ACOXL: variants seen among roughly 807,000 people sequenced by gnomAD.
The protein encoded by ACOXL is acyl-CoA oxidase like.
In ACOXL, 70 loss-of-function variants were observed where a neutral mutation model predicts 71.9. That is an observed-to-expected ratio of 0.97 (90% CI 0.80 to 1.19). The LOEUF (loss-of-function observed/expected upper bound fraction) is 1.19. Among genes scored for constraint, ACOXL ranks in the 50% most tolerant of loss-of-function variants. The pLI is 0.00. For missense variants in ACOXL, 703 were observed against 736.3 expected (o/e 0.95, Z 0.52); for synonymous variants, 253 against 281.6 (o/e 0.90, Z 1.02).
In ACOXL at chr2:111,112,329, G is replaced by C. The variant is rs545648268; in HGVS notation, c.1543-5287G>C. Among the ~76,000 whole-genome samples, 4 of 152,352 alleles carry C rather than the reference G, an allele frequency of 2.6e-5. No homozygotes were observed. In the East Asian group the frequency reaches 7.7e-4, roughly 29 times the overall value. ...TGACCCTCCCTGGAGGAGCCAGCCA[G>C]TGGGCAATGAAAACAGGAATGGAGC... On this transcript the variant is annotated intron_variant, in intron 17 of 17. Transcript: ENST00000439055.
At chr2:111,015,882 G>T (rs2064403056) in intron 14 of ACOXL, among the ~76,000 whole-genome samples, 2 of 152,130 alleles carry the variant, frequency 1.3e-5, no homozygotes, top group African/African-American at 4.8e-5. Context: ...AGTTAATACT[G>T]TATAATTCCA....
At chr2:110,754,105 C>T (rs1300983502) in intron 1 of ACOXL, among the ~76,000 whole-genome samples, 9 of 146,110 alleles carry the variant, frequency 6.2e-5, no homozygotes, top group African/African-American at 2.3e-4. Context: ...TAGGGTCTCA[C>T]TCTGTCACCC....
intron 5 of ACOXL, among the ~76,000 whole-genome samples, chr2:110,798,139 G>A (rs1226883625): frequency 6.6e-6 from 1 of 152,150 alleles, no homozygotes; most frequent in Non-Finnish European, 1.5e-5. Context: ...TGATAGCACA[G>A]CCATGTTGGT....
In ACOXL at chr2:111,061,250, A is replaced by G. The variant is rs541909886; in HGVS notation, c.1440+11962A>G. 2.0e-4 allele frequency among the ~76,000 whole-genome samples: 31 copies of G among 152,336 alleles called. No homozygotes were observed. The East Asian group carries it at 5.6e-3, about 27-fold the overall frequency. The stretch of plus-strand genomic sequence containing the variant: ...AAAGTTCTGAAAACTGAAGACAAAG[A>G]AAGTCTTAAAAGCAATGAGAGAAAC... On this transcript the variant is annotated intron_variant, in intron 16 of 17. Coordinates refer to ENST00000439055, the MANE Select transcript of ACOXL (RefSeq NM_001142807.4).
At chr2:110,918,507 A>T (rs1364554410) in intron 11 of ACOXL, among the ~76,000 whole-genome samples, 2 of 152,192 alleles carry the variant, frequency 1.3e-5, no homozygotes, top group Non-Finnish European at 2.9e-5. Context: ...AGGCTTCATG[A>T]CTAAAACACC....
At chr2:110,754,253 TG>T in intron 1 of ACOXL, among the ~76,000 whole-genome samples, 1 of 152,020 alleles carries the variant, frequency 6.6e-6, no homozygotes, top group Non-Finnish European at 1.5e-5. Context: ...TTAAATTTTT[TG>T]TAGAGAAGGG....
chr2:110,871,770 T>C lies in ACOXL; in HGVS notation c.788+30365T>C, dbSNP rs139165671. On this transcript the variant is annotated intron_variant, in intron 10 of 17. Coordinates refer to ENST00000439055, the MANE Select transcript of ACOXL (RefSeq NM_001142807.4). ...CCATAGCACGCTGAGACGTCTCCCC[T>C]GACCTCAGCTCCAGGCACTGTTTGG... is the stretch of plus-strand genomic sequence containing the variant. 3.3e-3 allele frequency among the ~76,000 whole-genome samples: 496 copies of C among 152,250 alleles called. 1 individual carries two copies. Among genetic ancestry groups the C allele is most frequent in the Admixed American group, 5.2e-3 (80 of 15,300 alleles).
intron 10 of ACOXL, among the ~76,000 whole-genome samples, chr2:110,883,038 A>G (rs745617951): frequency 2.0e-5 from 3 of 151,252 alleles, no homozygotes; most frequent in Non-Finnish European, 4.4e-5. Flanking sequence ...GCCAGTTTCC[A>G]GTGTCCCATC....
chr2:111,051,042 C>A (rs1213613428), intron 16 of ACOXL, among the ~76,000 whole-genome samples: 1 of 152,160 alleles, frequency 6.6e-6, no homozygotes, highest in African/African-American at 2.4e-5. Context: ...TTGTGTCTTA[C>A]CTGTTGGTTT....
chr2:110,992,707 G>C (rs1040654192), intron 13 of ACOXL, among the ~76,000 whole-genome samples: 3 of 152,174 alleles, frequency 2.0e-5, no homozygotes, highest in African/African-American at 7.2e-5. Context: ...GGTTGTACCT[G>C]GCTCTGCAGA....
At chr2:110,947,446 A>G (rs2061150800) in intron 12 of ACOXL, among the ~76,000 whole-genome samples, 1 of 152,114 alleles carries the variant, frequency 6.6e-6, no homozygotes, top group African/African-American at 2.4e-5. Flanking sequence ...TTGGAATCTC[A>G]TGGTCAGGGC....
At chr2:111,010,144 T>C (rs900087235) in intron 14 of ACOXL, among the ~76,000 whole-genome samples, 1 of 152,014 alleles carries the variant, frequency 6.6e-6, no homozygotes, top group Non-Finnish European at 1.5e-5. Flanking sequence ...GACCCCAAAA[T>C]TCCCAGATAT....
At chr2:110,902,028 C>A (rs1306681620) in intron 10 of ACOXL, among the ~76,000 whole-genome samples, 1 of 146,290 alleles carries the variant, frequency 6.8e-6, no homozygotes, top group African/African-American at 2.5e-5. Flanking sequence ...GAGTACGATT[C>A]TGTCAAAAAA....
At chr2:110,852,430 C>T (rs1010025486) in intron 10 of ACOXL, among the ~76,000 whole-genome samples, 6 of 152,184 alleles carry the variant, frequency 3.9e-5, no homozygotes, top group East Asian at 1.9e-4. Flanking sequence ...TCCTGAAGGG[C>T]GTTTCTCAAG....
chr2:111,028,407 C>T lies in ACOXL; in HGVS notation c.1282-3220C>T, dbSNP rs180867224. Among the ~76,000 whole-genome samples the T allele has an allele frequency of 1.7e-4, 26 of 151,964 alleles. No homozygotes were observed. In the South Asian group the frequency reaches 4.2e-3, roughly 24 times the overall value. ...TCCCACCTCAGCCCTCTGAGCTCCT[C>T]GGCCTCCCAAAGTGCTGGGTTTGCA... On this transcript the variant is annotated intron_variant, in intron 14 of 17. Coordinates refer to ENST00000439055, the MANE Select transcript of ACOXL (RefSeq NM_001142807.4).
At chr2:110,922,895 G>A (rs1054844347) in intron 11 of ACOXL, among the ~76,000 whole-genome samples, 2 of 152,316 alleles carry the variant, frequency 1.3e-5, no homozygotes, top group Admixed American at 1.3e-4. Flanking sequence ...TTCACCAGCT[G>A]TCAGTCTAAT....
At chr2:110,929,769 T>TA (rs1257786196) in intron 11 of ACOXL, among the ~76,000 whole-genome samples, 7 of 152,178 alleles carry the variant, frequency 4.6e-5, no homozygotes, top group Non-Finnish European at 2.9e-5. Flanking sequence ...TAGCGATGGC[T>TA]AAAAGGGGCC....
At chr2:111,116,229 A>G (rs1558983942) in intron 17 of ACOXL, among the ~76,000 whole-genome samples, 1 of 152,248 alleles carries the variant, frequency 6.6e-6, no homozygotes, top group South Asian at 2.1e-4. Context: ...ACAAACTTTG[A>G]AATCTTGGTC....
At chr2:111,001,247 C>T (rs1055286797) in intron 14 of ACOXL, among the ~76,000 whole-genome samples, 1 of 152,124 alleles carries the variant, frequency 6.6e-6, no homozygotes, top group African/African-American at 2.4e-5. Flanking sequence ...GAATAAACCT[C>T]CCCAAAGATT....
Sources: gnomAD v4.1 joint callset for allele counts (sites outside exome capture counted in the v4.1 genomes callset) on GRCh38, gnomAD v4.1.1 for gene constraint, MANE v1.5 for transcripts, NCBI Gene and HGNC (gene_info 2026-07-23, HGNC 2026-07-21) for gene names.